Variants in PWP1 observed in about 807,000 individuals in gnomAD.
PWP1 encodes the protein PWP1 homolog, endonuclein.
PWP1 carries 47 observed loss-of-function variants against 69.9 expected under a neutral mutation model. That is an observed-to-expected ratio of 0.67 (90% CI 0.53 to 0.86). The LOEUF is 0.86. Ranked by LOEUF, PWP1 falls within the 40% of genes least tolerant of loss-of-function variation. The pLI is 0.00. For synonymous variants in PWP1, 222 were observed against 208.2 expected (o/e 1.07, Z -0.57); for missense variants, 551 against 608.8 (o/e 0.91, Z 1.00).
chr12:107,693,991 A>G (rs1000076371), intron 5 of PWP1, among the ~76,000 whole-genome samples: 5 of 152,230 alleles, frequency 3.3e-5, no homozygotes, highest in African/African-American at 1.2e-4. Context: ...TTCTTACTTA[A>G]GGAATATTTG....
In PWP1 at chr12:107,693,078, T is replaced by C; in HGVS notation, c.484T>C (p.Cys162Arg). ...IVCGRAEQDQ[C>R]NLEVHVYNQE... ...TTGTGGCCGAGCTGAACAGGACCAG[T>C]GCAATTTAGAGGTGCATGGTAAGTG... Residue 162 changes from cysteine to arginine, a missense_variant, in exon 5 of 15, where the codon TGC becomes CGC. Transcript: ENST00000412830. 6.2e-7 allele frequency: 1 copy of C among 1,612,272 alleles called. No individual in the cohort carries two copies. Among genetic ancestry groups the C allele is most frequent in the Non-Finnish European group, 8.5e-7 (1 of 1,179,502 alleles).
chr12:107,709,692 G>T (rs1257416727), intron 13 of PWP1, among the ~76,000 whole-genome samples: 4 of 151,986 alleles, frequency 2.6e-5, no homozygotes, highest in Admixed American at 2.6e-4. Flanking sequence ...ATTCACTCAA[G>T]AAATATTTAC....
chr12:107,689,615 G>A (rs759489108), intron 3 of PWP1, among the ~76,000 whole-genome samples: 9 of 152,052 alleles, frequency 5.9e-5, no homozygotes, highest in East Asian at 1.9e-4. Flanking sequence ...GCGTGGTGGC[G>A]CACATCTGTA....
intron 6 of PWP1, among the ~76,000 whole-genome samples, chr12:107,697,096 TTG>T: frequency 6.6e-6 from 1 of 152,200 alleles, no homozygotes; most frequent in Non-Finnish European, 1.5e-5. Context: ...TTTGCACACC[TTG>T]TTCACATTCA....
chr12:107,708,958 G>A lies in PWP1; in HGVS notation c.1110G>A (p.Leu370=). Residue 370 remains leucine (L), a synonymous_variant, in exon 12 of 15, where the codon TTG becomes TTA. Coordinates refer to ENST00000412830, the MANE Select transcript of PWP1 (RefSeq NM_007062.3). The part of the protein sequence containing the change: ...ASTDDGFVYN[L]DARSDKPIFT... Reference sequence around the variant, plus strand: ...CAGATGACGGCTTTGTATATAATTTGGATGCACGTTCAGATAAGCCAATTT... The same window carrying A: ...CAGATGACGGCTTTGTATATAATTTAGATGCACGTTCAGATAAGCCAATTT... The A allele has an allele frequency of 1.2e-6, 2 of 1,613,670 alleles. No individual in the cohort carries two copies. The highest frequency in any genetic ancestry group is 1.1e-5 in the South Asian group (1 of 91,056).
rs568451823 is a variant in PWP1 at position 107,687,341 on chromosome 12, A to G, written c.73-1107A>G. Among the ~76,000 whole-genome samples the G allele has an allele frequency of 2.6e-5, 4 of 152,370 alleles. 1 individual carries two copies. The highest frequency in any genetic ancestry group is 2.1e-4 in the South Asian group (1 of 4,824). ...GGAAACAGTTATTAAAAAGAGACAT[A>G]TAGCCTTTCAAATACTTGAAGACTG... On this transcript the variant is annotated intron_variant, in intron 1 of 14. Transcript: ENST00000412830.
At position 107,696,482 on chromosome 12, in the gene PWP1, C is replaced by G. The variant is rs755609738; in HGVS notation, c.511C>G (p.Gln171Glu). The G allele has an allele frequency of 5.6e-6, 9 of 1,612,818 alleles. No individual in the cohort carries two copies. Among genetic ancestry groups the G allele is most frequent in the African/African-American group, 1.3e-5 (1 of 74,964 alleles). Residue 171 changes from glutamine (Q) to glutamate (E), a missense_variant, in exon 6 of 15, where the codon CAA becomes GAA. By Grantham distance (29) the Gln-to-Glu change is conservative. Transcript: ENST00000412830. ...QCNLEVHVYN[Q>E]EEDSFYVHHD... ...TTTCCCAATCTTTTCAGTTTATAAT[C>G]AAGAAGAAGACTCTTTTTATGTACA... is the stretch of plus-strand genomic sequence containing the variant.
intron 1 of PWP1, 87 bp downstream of exon 1, chr12:107,686,058 T>G: frequency 6.8e-7 from 1 of 1,461,898 alleles, no homozygotes; most frequent in Non-Finnish European, 9.5e-7. Context: ...GACCCGGAAC[T>G]CGGGGCGTTG....
chr12:107,699,792 C>T (rs892208364), intron 8 of PWP1, among the ~76,000 whole-genome samples: 5 of 152,180 alleles, frequency 3.3e-5, no homozygotes, highest in African/African-American at 9.7e-5. Context: ...CTCTTTTATT[C>T]TTTTTTCTTT....
At position 107,712,092 on chromosome 12, in the gene PWP1, C is replaced by CTGTT. The variant is rs1409206140; in HGVS notation, c.1397-17_1397-14dup. The stretch of plus-strand genomic sequence containing the variant: ...ATTTCCTGATCTGTTAGTTTCTTAC[C>CTGTT]TGTTTATTTGTATTTTAGTAAATGA... On this transcript the variant is annotated intron_variant, in intron 14 of 14. Transcript: ENST00000412830. 1 of 1,583,884 alleles carries CTGTT rather than the reference C, an allele frequency of 6.3e-7. No individual in the cohort carries two copies. The highest frequency in any genetic ancestry group is 2.2e-5 in the East Asian group (1 of 44,698).
Position 107,688,665 on chromosome 12 carries a change from A to T in PWP1, c.182A>T (p.Asp61Val). The part of the protein sequence containing the change: ...DEEETGSPSE[D>V]GMQSARTQAR... ...GAGGAGACAGGCAGTCCTTCAGAAG[A>T]TGGCATGCAGAGTGCACGCACCCAG... Residue 61 changes from aspartate to valine, a missense_variant, in exon 3 of 15, where the codon GAT becomes GTT. Coordinates refer to ENST00000412830, the MANE Select transcript of PWP1 (RefSeq NM_007062.3). 6.2e-7 allele frequency: 1 copy of T among 1,614,210 alleles called. No homozygotes were observed. Among genetic ancestry groups the T allele is most frequent in the Admixed American group, 1.7e-5 (1 of 60,032 alleles).
chr12:107,712,362 G>A lies in PWP1; in HGVS notation c.*142G>A. ...TGACATTCCTTTCTGCAACTGCGGT[G>A]GCACCACAAATATCCGGTCTTTGTG... On this transcript the variant is annotated 3_prime_UTR_variant, in exon 15 of 15. Transcript: ENST00000412830. The A allele has an allele frequency of 3.3e-6, 2 of 601,376 alleles. No homozygotes were observed. Among genetic ancestry groups the A allele is most frequent in the Non-Finnish European group, 2.9e-6 (1 of 339,588 alleles). The allele number at this position is 601,376 out of a possible 1,614,324, so 37.3% of individuals were successfully genotyped here.
chr12:107,690,433 A>C (rs1252164303), intron 3 of PWP1, among the ~76,000 whole-genome samples: 1 of 152,198 alleles, frequency 6.6e-6, no homozygotes, highest in African/African-American at 2.4e-5. Context: ...TATCTGTTAG[A>C]ATATCGTTGA....
chr12:107,694,618 A>G (rs1033702380), intron 5 of PWP1, among the ~76,000 whole-genome samples: 1 of 152,214 alleles, frequency 6.6e-6, no homozygotes, highest in African/African-American at 2.4e-5. Flanking sequence ...ACATATTTCA[A>G]ATGAAAACCA....
chr12:107,692,853 T>C lies in PWP1; in HGVS notation c.359T>C (p.Val120Ala). 1 of 1,614,054 alleles carries C rather than the reference T, an allele frequency of 6.2e-7. No homozygotes were observed. The highest frequency in any genetic ancestry group is 8.5e-7 in the Non-Finnish European group (1 of 1,179,928). ...TLGESLLGLTVYGSNDQDPYV... is the reference protein window; with the variant it reads ...TLGESLLGLTAYGSNDQDPYV... ...GGTGAATCTCTCTTGGGTCTTACGG[T>C]CTACGGGAGTAATGATCAAGATCCT... The change falls in exon 4 of 15, where the codon GTC (valine) becomes GCC (alanine). Residue 120 changes from valine (V) to alanine (A), a missense_variant. Physicochemically the swap from Val to Ala is moderately conservative, Grantham distance 64 (BLOSUM62 0). Transcript: ENST00000412830.
intron 11 of PWP1, among the ~76,000 whole-genome samples, chr12:107,708,576 C>G (rs1889874963): frequency 6.6e-6 from 1 of 152,126 alleles, no homozygotes; most frequent in African/African-American, 2.4e-5. Flanking sequence ...CCCTTCTTCC[C>G]TCTCTGACTC....
At chr12:107,706,816 T>C (rs1360209622) in intron 11 of PWP1, among the ~76,000 whole-genome samples, 1 of 152,242 alleles carries the variant, frequency 6.6e-6, no homozygotes, top group Non-Finnish European at 1.5e-5. Flanking sequence ...TGTAGTATAG[T>C]TTGAAGTCAG....
At chr12:107,696,344 TATA>T in intron 5 of PWP1, 127 bp from the exon 6 acceptor site, 2 of 1,342,102 alleles carry the variant, frequency 1.5e-6, no homozygotes, top group South Asian at 1.5e-5. Flanking sequence ...GGAATCTCTT[TATA>T]ATATCAGATG....
intron 8 of PWP1, among the ~76,000 whole-genome samples, chr12:107,702,523 C>T (rs1889734263): frequency 1.3e-5 from 2 of 152,166 alleles, no homozygotes; most frequent in South Asian, 2.1e-4. Context: ...AAGTGATCCA[C>T]GTGCCTCAGC....
Sources: allele counts gnomAD v4.1 joint callset (sites outside exome capture counted in the v4.1 genomes callset), GRCh38; gene constraint gnomAD v4.1.1; transcripts MANE v1.5; gene names NCBI Gene and HGNC (gene_info 2026-07-23, HGNC 2026-07-21).